The following GTPBP10 variants were observed in gnomAD, a reference collection of about 807,000 sequenced individuals.
GTPBP10 encodes the protein GTP-binding protein 10.
In GTPBP10, 38 loss-of-function variants were observed where a neutral mutation model predicts 44.8. The observed-to-expected ratio is 0.85, with a 90% CI of 0.65 to 1.11. The LOEUF is 1.11. Among genes scored for constraint, GTPBP10 ranks in the 50% most tolerant of loss-of-function variants. GTPBP10 has a pLI of 0.00. For synonymous variants in GTPBP10, 152 were observed against 150.6 expected, an observed-to-expected ratio of 1.01 and a Z score of -0.07; for missense variants, 462 against 453.7, an observed-to-expected ratio of 1.02 and a Z score of -0.17.
intron 4 of GTPBP10, among the ~76,000 whole-genome samples, chr7:90,364,204 A>C (rs1292990141): frequency 6.6e-6 from 1 of 152,032 alleles, no homozygotes; most frequent in Non-Finnish European, 1.5e-5. Flanking sequence ...GGAGGGGGAG[A>C]GGTGCTCTGA....
At chr7:90,375,224 G>T (rs963304163) in intron 6 of GTPBP10, among the ~76,000 whole-genome samples, 1 of 152,060 alleles carries the variant, frequency 6.6e-6, no homozygotes, top group Non-Finnish European at 1.5e-5. Flanking sequence ...TGATTTCCAG[G>T]GTTAGGGAGG....
At chr7:90,370,492 G>A (rs1235585168) in intron 4 of GTPBP10, among the ~76,000 whole-genome samples, 1 of 152,080 alleles carries the variant, frequency 6.6e-6, no homozygotes, top group Non-Finnish European at 1.5e-5. Flanking sequence ...GAGCTAAGCT[G>A]TGCGTACACA....
At chr7:90,383,953 A>G (rs774680274) in intron 9 of GTPBP10, among the ~76,000 whole-genome samples, 1 of 152,208 alleles carries the variant, frequency 6.6e-6, no homozygotes, top group Non-Finnish European at 1.5e-5. Flanking sequence ...CCTTGAGTTA[A>G]TAAATTACTC....
At chr7:90,378,779 G>A (rs1015338761) in intron 8 of GTPBP10, among the ~76,000 whole-genome samples, 2 of 151,904 alleles carry the variant, frequency 1.3e-5, no homozygotes, top group South Asian at 2.1e-4. Flanking sequence ...GCATGATCTC[G>A]GCTCTCTCTG....
At chr7:90,355,709 A>T (rs1358637160) in intron 4 of GTPBP10, among the ~76,000 whole-genome samples, 1 of 152,030 alleles carries the variant, frequency 6.6e-6, no homozygotes, top group Non-Finnish European at 1.5e-5. Flanking sequence ...AGACTTACGC[A>T]CTGTTGCCGC....
rs17866988 is a variant in GTPBP10, at chr7:90,377,813, G to A, written c.699+199G>A. The A allele has an allele frequency of 8.1e-3, 1,871 of 231,950 alleles. 20 individuals carry two copies. Among genetic ancestry groups the A allele is most frequent in the African/African-American group, 0.041 (1,773 of 43,004 alleles). The allele number at this position is 231,950 out of a possible 1,614,324, so 14.4% of individuals were successfully genotyped here. A position where few individuals can be genotyped will look rare whatever the true frequency, so the allele number is the denominator to read the frequency against. On this transcript the variant is annotated intron_variant, in intron 7 of 9. Transcript: ENST00000222511. The stretch of plus-strand genomic sequence containing the variant: ...TACTTGCCAACATGTATTTCCTTAA[G>A]ATTTCCAGCATACTACCATATTATA...
At chr7:90,353,050 C>T (rs760680738) in intron 2 of GTPBP10, 41 bp downstream of exon 2, 1 of 1,360,730 alleles carries the variant, frequency 7.3e-7, no homozygotes, top group Non-Finnish European at 9.9e-7. Context: ...GAAAATCAAA[C>T]CCTTCTGGAA....
rs758735244 is a variant in GTPBP10 at position 90,372,179 on chromosome 7, T to A, written c.489T>A (p.Ser163=). 2 of 1,606,696 alleles carry A rather than the reference T, an allele frequency of 1.2e-6. No homozygotes were observed. The highest frequency in any genetic ancestry group is 1.7e-6 in the Non-Finnish European group (2 of 1,175,774). ...GATTCCCAAATGCTGGAAAATCCTC[T>A]TTGCTAAGTTGTGTTTCTCATGCAA... ...LVGFPNAGKS[S]LLSCVSHAKP... Residue 163 remains serine, a synonymous_variant, in exon 5 of 10, where the codon TCT becomes TCA. Coordinates refer to ENST00000222511, the MANE Select transcript of GTPBP10 (RefSeq NM_033107.4).
At chr7:90,370,847 T>G (rs898193952) in intron 4 of GTPBP10, among the ~76,000 whole-genome samples, 1 of 151,000 alleles carries the variant, frequency 6.6e-6, no homozygotes, top group African/African-American at 2.5e-5. Context: ...CTACTGAAAA[T>G]ACAAAAAAAA....
At chr7:90,374,908 T>C (rs191895167) in intron 6 of GTPBP10, among the ~76,000 whole-genome samples, 5 of 152,358 alleles carry the variant, frequency 3.3e-5, no homozygotes, top group Admixed American at 6.5e-5. Flanking sequence ...TGAAAAGTTA[T>C]GCACACACAG....
At position 90,390,035 on chromosome 7, in the gene GTPBP10, C is replaced by G. The variant is rs537130687; in HGVS notation, c.*4881C>G. 2 of 152,202 alleles carry G rather than the reference C, an allele frequency of 1.3e-5. No individual in the cohort carries two copies. Among genetic ancestry groups the G allele is most frequent in the Non-Finnish European group, 2.9e-5 (2 of 68,042 alleles). The allele number at this position is 152,202 out of a possible 1,614,324, so 9.4% of individuals were successfully genotyped here. A position where few individuals can be genotyped will look rare whatever the true frequency, so the allele number is the denominator to read the frequency against. On this transcript the variant is annotated 3_prime_UTR_variant, in exon 10 of 10. Transcript: ENST00000222511. ...TGAACTCCCATCCTCATGGAATCCT[C>G]CCACTTCAGTCTCTGAAAGTGCTAG... is the stretch of plus-strand genomic sequence containing the variant.
At chr7:90,381,385 G>A (rs1796433328) in intron 8 of GTPBP10, among the ~76,000 whole-genome samples, 1 of 152,084 alleles carries the variant, frequency 6.6e-6, no homozygotes, top group Non-Finnish European at 1.5e-5. Flanking sequence ...CTAATGATCA[G>A]TGATGTTGAA....
chr7:90,354,955 A>G (rs557383600), intron 3 of GTPBP10, 131 bp from the exon 4 acceptor site: 1 of 522,990 alleles, frequency 1.9e-6, no homozygotes, highest in Admixed American at 3.7e-5. Flanking sequence ...ATATTACATT[A>G]ATGATTTCAC....
At chr7:90,350,472 C>CCCCA (rs1795768683) in intron 1 of GTPBP10, among the ~76,000 whole-genome samples, 1 of 37,012 alleles carries the variant, frequency 2.7e-5, no homozygotes, top group Non-Finnish European at 4.6e-5. Flanking sequence ...CTTGAGGAAT[C>CCCCA]TAGAACTGTC....
intron 1 of GTPBP10, among the ~76,000 whole-genome samples, chr7:90,348,079 G>A (rs1795716157): frequency 6.6e-6 from 1 of 152,070 alleles, no homozygotes; most frequent in African/African-American, 2.4e-5. Context: ...TCGGGGTGGT[G>A]TGGTGCCTGT....
intron 8 of GTPBP10, among the ~76,000 whole-genome samples, chr7:90,381,286 G>T (rs1226699490): frequency 6.6e-6 from 1 of 152,014 alleles, no homozygotes; most frequent in Non-Finnish European, 1.5e-5. Context: ...CCATATCCTT[G>T]ACAACACTTG....
At chr7:90,361,484 C>A (rs1796020133) in intron 4 of GTPBP10, among the ~76,000 whole-genome samples, 2 of 152,232 alleles carry the variant, frequency 1.3e-5, no homozygotes, top group Non-Finnish European at 2.9e-5. Flanking sequence ...GGATGAAGCC[C>A]ACTTGATCAT....
At chr7:90,359,031 A>T (rs538798858) in intron 4 of GTPBP10, among the ~76,000 whole-genome samples, 28 of 152,328 alleles carry the variant, frequency 1.8e-4, no homozygotes, top group African/African-American at 6.5e-4. Flanking sequence ...TGCATATTAA[A>T]ACCACAATGA....
At chr7:90,358,961 G>T (rs1795958309) in intron 4 of GTPBP10, among the ~76,000 whole-genome samples, 1 of 152,024 alleles carries the variant, frequency 6.6e-6, no homozygotes, top group Admixed American at 6.6e-5. Context: ...AAGAAGATAT[G>T]CATACAAATG....
Sources: gnomAD v4.1 joint callset for allele counts (sites outside exome capture counted in the v4.1 genomes callset) on GRCh38, gnomAD v4.1.1 for gene constraint, MANE v1.5 for transcripts, NCBI Gene and HGNC (gene_info 2026-07-23, HGNC 2026-07-21) for gene names.